Variants in ATP13A5 observed in about 807,000 individuals in gnomAD.
The protein encoded by ATP13A5 is ATPase 13A5.
Under a neutral mutation model 150.2 loss-of-function variants are expected in ATP13A5, and 149 were observed. The ratio of observed to expected loss-of-function variants is 0.99; its 90% CI spans 0.87 to 1.14. The LOEUF (loss-of-function observed/expected upper bound fraction) is 1.14, where lower values mean the gene tolerates loss of function less well. ATP13A5 is among the 50% of genes most tolerant of loss of function. The pLI, the probability that ATP13A5 is intolerant of heterozygous loss-of-function variation, is 0.00. For synonymous variants in ATP13A5, 497 were observed against 522.2 expected (o/e 0.95, Z 0.66); for missense variants, 1,383 against 1,449.3 (o/e 0.95, Z 0.74).
intron 16 of ATP13A5, among the ~76,000 whole-genome samples, chr3:193,319,336 T>C (rs1213101546): frequency 1.3e-5 from 2 of 152,246 alleles, no homozygotes; most frequent in African/African-American, 2.4e-5. Flanking sequence ...GCGTTATGGA[T>C]GGAATGTGTC....
intron 9 of ATP13A5, among the ~76,000 whole-genome samples, chr3:193,339,200 GA>G (rs1416164130): frequency 6.6e-6 from 1 of 151,852 alleles, no homozygotes; most frequent in East Asian, 1.9e-4. Flanking sequence ...CGGATTCATT[GA>G]TTTTTTTAAG....
intron 21 of ATP13A5, among the ~76,000 whole-genome samples, chr3:193,308,917 G>A (rs1718727766): frequency 6.6e-6 from 1 of 152,188 alleles, no homozygotes; most frequent in South Asian, 2.1e-4. Context: ...TTTAGTCACT[G>A]GTTACTTACC....
intron 7 of ATP13A5, among the ~76,000 whole-genome samples, chr3:193,348,858 A>G (rs1182029601): frequency 6.6e-6 from 1 of 152,178 alleles, no homozygotes; most frequent in Non-Finnish European, 1.5e-5. Context: ...ATTGCGCTCA[A>G]TGGGACAGTG....
At chr3:193,346,819 G>T (rs1480889630) in intron 7 of ATP13A5, among the ~76,000 whole-genome samples, 1 of 152,096 alleles carries the variant, frequency 6.6e-6, no homozygotes, top group Non-Finnish European at 1.5e-5. Context: ...TGGAAGAAGC[G>T]ATAGTACTGT....
intron 24 of ATP13A5, among the ~76,000 whole-genome samples, chr3:193,300,340 T>G (rs568816515): frequency 1.3e-5 from 2 of 152,302 alleles, no homozygotes; most frequent in African/African-American, 4.8e-5. Context: ...AAGCAGGTTT[T>G]GGCCAAAGGC....
chr3:193,302,333 G>A (rs570603474), intron 23 of ATP13A5, among the ~76,000 whole-genome samples: 23 of 152,292 alleles, frequency 1.5e-4, no homozygotes, highest in South Asian at 2.1e-4. Context: ...AGGTGCTGTC[G>A]TTTGTTTTCA....
Position 193,274,991 on chromosome 3 carries a change from A to G in ATP13A5, c.*51T>C, listed in dbSNP as rs1483243061. ...TATCATCACTTCTCCACAATGTGTTAATTTTGGGGAAAAAAGCAATGCTGT... is the reference window on the plus strand; with the variant it reads ...TATCATCACTTCTCCACAATGTGTTGATTTTGGGGAAAAAAGCAATGCTGT... On this transcript the variant is annotated 3_prime_UTR_variant, in exon 30 of 30. Coordinates refer to ENST00000342358, the MANE Select transcript of ATP13A5 (RefSeq NM_198505.4). 2.9e-5 allele frequency: 46 copies of G among 1,599,616 alleles called. No homozygotes were observed. The highest frequency in any genetic ancestry group is 3.8e-5 in the Non-Finnish European group (45 of 1,171,832).
intron 1 of ATP13A5, among the ~76,000 whole-genome samples, chr3:193,372,745 C>T (rs187064385): frequency 6.6e-6 from 1 of 152,178 alleles, no homozygotes; most frequent in Non-Finnish European, 1.5e-5. Flanking sequence ...GTCACTGATA[C>T]CCTCACCTTG....
chr3:193,314,338 A>G, intron 18 of ATP13A5, 145 bp from the exon 19 acceptor site: 2 of 800,436 alleles, frequency 2.5e-6, no homozygotes, highest in Non-Finnish European at 3.9e-6. Flanking sequence ...TCTGCTGTAG[A>G]CTGCCCCTAC....
chr3:193,330,092 C>G (rs1295298989), intron 12 of ATP13A5, among the ~76,000 whole-genome samples: 3 of 152,194 alleles, frequency 2.0e-5, no homozygotes. Flanking sequence ...TCCCCACATG[C>G]AGTGGGCCCC....
rs777457394 is a variant in ATP13A5, at chr3:193,363,318, G to A, written c.302C>T (p.Pro101Leu). Reference protein sequence around the residue: ...FCLYLSTLKFPVSKKWEESLV... With the variant: ...FCLYLSTLKFLVSKKWEESLV... Reference sequence around the variant, plus strand: ...GGATTCTTCCCACTTCTTGCTTACAGGAAACTTCAGTGTGGATAAGTAGAG... The same window carrying A: ...GGATTCTTCCCACTTCTTGCTTACAAGAAACTTCAGTGTGGATAAGTAGAG... Residue 101 changes from proline to leucine, a missense_variant, in exon 3 of 30, where the codon CCT becomes CTT. Transcript: ENST00000342358. 2 of 1,613,892 alleles carry A rather than the reference G, an allele frequency of 1.2e-6. No individual in the cohort carries two copies. Among genetic ancestry groups the A allele is most frequent in the African/African-American group, 1.3e-5 (1 of 75,036 alleles).
chr3:193,359,803 ATGTG>A (rs560549363), intron 5 of ATP13A5, among the ~76,000 whole-genome samples: 1 of 149,738 alleles, frequency 6.7e-6, no homozygotes, highest in Non-Finnish European at 1.5e-5. Flanking sequence ...GTGTGTGTGC[ATGTG>A]TGTGTGTGTG....
At chr3:193,287,356 G>T (rs886225852) in intron 26 of ATP13A5, among the ~76,000 whole-genome samples, 2 of 152,132 alleles carry the variant, frequency 1.3e-5, no homozygotes, top group Non-Finnish European at 2.9e-5. Context: ...TCAATAACTG[G>T]ATTCAAGGCT....
chr3:193,368,624 C>G (rs917029514), intron 1 of ATP13A5, among the ~76,000 whole-genome samples: 4 of 152,226 alleles, frequency 2.6e-5, no homozygotes, highest in Admixed American at 6.5e-5. Flanking sequence ...AAAAGAGACT[C>G]AAACATATGA....
intron 5 of ATP13A5, among the ~76,000 whole-genome samples, chr3:193,355,306 A>T (rs1372492991): frequency 6.6e-6 from 1 of 152,168 alleles, no homozygotes; most frequent in Non-Finnish European, 1.5e-5. Context: ...TAACTCCTTC[A>T]ATCATCACAT....
intron 26 of ATP13A5, among the ~76,000 whole-genome samples, chr3:193,287,962 C>T (rs1221850043): frequency 6.6e-6 from 1 of 152,042 alleles, no homozygotes; most frequent in African/African-American, 2.4e-5. Context: ...TCTTGAATGA[C>T]TTTTTGGGGT....
chr3:193,372,053 C>T (rs1409093005), intron 1 of ATP13A5, among the ~76,000 whole-genome samples: 1 of 151,882 alleles, frequency 6.6e-6, no homozygotes, highest in Admixed American at 6.6e-5. Context: ...GTAATCAGCA[C>T]TTTGGGAGGC....
At chr3:193,309,899 CAT>C (rs1235011183) in intron 21 of ATP13A5, among the ~76,000 whole-genome samples, 2 of 152,038 alleles carry the variant, frequency 1.3e-5, no homozygotes, top group African/African-American at 4.8e-5. Context: ...GTTTGGAGAA[CAT>C]GTGCAGATTT....
intron 1 of ATP13A5, among the ~76,000 whole-genome samples, chr3:193,368,323 A>C (rs1290616079): frequency 6.6e-6 from 1 of 152,136 alleles, no homozygotes; most frequent in Non-Finnish European, 1.5e-5. Context: ...GTAAAGACCT[A>C]AATAAACGAA....
Sources: gnomAD v4.1 joint callset for allele counts (sites outside exome capture counted in the v4.1 genomes callset) on GRCh38, gnomAD v4.1.1 for gene constraint, MANE v1.5 for transcripts, NCBI Gene and HGNC (gene_info 2026-07-23, HGNC 2026-07-21) for gene names.